EPB41L3: variants seen among roughly 807,000 people sequenced by gnomAD.
EPB41L3 encodes erythrocyte membrane protein band 4.1 like 3, also known as band 4.1-like protein 3.
In EPB41L3, 57 loss-of-function variants were observed where a neutral mutation model predicts 127.1. That is an observed-to-expected ratio of 0.45 (90% confidence interval 0.36 to 0.56). The LOEUF (loss-of-function observed/expected upper bound fraction) is 0.56. Ranked by LOEUF, EPB41L3 falls within the 20% of genes least tolerant of loss-of-function variation. The pLI is 0.00. For missense variants in EPB41L3, 1,273 were observed against 1,372.2 expected (o/e 0.93, Z 1.14); for synonymous variants, 572 against 549.5 (o/e 1.04, Z -0.57).
In EPB41L3 at chr18:5,433,018, G is replaced by T. The variant is rs193002842; in HGVS notation, c.912+451C>A. The stretch of plus-strand genomic sequence containing the variant: ...GAGTCTTGGACAATCGGCTGAGTTC[G>T]GACAGACAGATAGGAAAGAGGAGGA... On this transcript the variant is annotated intron_variant, in intron 8 of 22. Coordinates refer to ENST00000341928, the MANE Select transcript of EPB41L3 (RefSeq NM_012307.5). 6.6e-5 allele frequency among the ~76,000 whole-genome samples: 10 copies of T among 152,268 alleles called. No individual in the cohort carries two copies. In the East Asian group the frequency reaches 1.9e-3, roughly 29 times the overall value.
rs2072681209 is a variant in EPB41L3 at position 5,393,198 on chromosome 18, A to G, written c.*287T>C. ...TATTGTTGGTTATGAACGTGCAGGT[A>G]TAGCTGAAAACTGAGACATTTTGTG... On this transcript the variant is annotated 3_prime_UTR_variant, in exon 23 of 23. Transcript: ENST00000341928. The G allele has an allele frequency of 2.6e-6, 1 of 384,686 alleles. No individual in the cohort carries two copies. Among genetic ancestry groups the G allele is most frequent in the Non-Finnish European group, 4.6e-6 (1 of 216,308 alleles). 23.8% of individuals were successfully genotyped at this position (384,686 alleles called of 1,614,324 possible).
In EPB41L3 at chr18:5,543,594, C is replaced by T. The variant is rs1353359613; in HGVS notation, c.-12+319G>A. ...CGAGTCGCCCCTTCGGCCAGGGATC[C>T]CAGGGAGGCCCCCAGGCCGGAGGCC... On this transcript the variant is annotated intron_variant, in intron 1 of 22. Coordinates refer to ENST00000341928, the MANE Select transcript of EPB41L3 (RefSeq NM_012307.5). This position sits in a 1 kb window ranked among gnomAD's most constrained non-coding sequence, Gnocchi z 5.2. Among the ~76,000 whole-genome samples, 1 of 147,284 alleles carries T rather than the reference C, an allele frequency of 6.8e-6. No individual in the cohort carries two copies. Among genetic ancestry groups the T allele is most frequent in the African/African-American group, 2.4e-5 (1 of 40,990 alleles).
intron 3 of EPB41L3, among the ~76,000 whole-genome samples, chr18:5,581,960 G>A (rs1348809347): frequency 5.9e-5 from 9 of 152,176 alleles, no homozygotes; most frequent in Admixed American, 4.6e-4. Flanking sequence ...CTGTACCGCT[G>A]CTCTCCAGCC....
chr18:5,410,442 C>T (rs188324105), intron 14 of EPB41L3, 124 bp downstream of exon 14: 74 of 675,266 alleles, frequency 1.1e-4, no homozygotes, highest in Admixed American at 2.6e-4. Flanking sequence ...TATTTAACTC[C>T]AACTGTTAAA....
intron 1 of EPB41L3, among the ~76,000 whole-genome samples, chr18:5,492,793 G>T (rs557276529): frequency 8.2e-4 from 125 of 152,142 alleles, no homozygotes; most frequent in Admixed American, 9.8e-4. Context: ...TAAAAGTTGG[G>T]GTAAGGACAT....
At chr18:5,450,260 G>A (rs2082112654) in intron 3 of EPB41L3, among the ~76,000 whole-genome samples, 1 of 152,132 alleles carries the variant, frequency 6.6e-6, no homozygotes, top group African/African-American at 2.4e-5. Flanking sequence ...ATCATGAAAT[G>A]GTGAACGCAT....
At chr18:5,527,698 T>G (rs530422453) in intron 1 of EPB41L3, among the ~76,000 whole-genome samples, 1 of 152,308 alleles carries the variant, frequency 6.6e-6, no homozygotes, top group East Asian at 1.9e-4. Flanking sequence ...TGTGCAAGGC[T>G]ACACTAAGCG....
At chr18:5,429,014 C>G (rs1269040064) in intron 8 of EPB41L3, among the ~76,000 whole-genome samples, 1 of 151,850 alleles carries the variant, frequency 6.6e-6, no homozygotes, top group South Asian at 2.1e-4. Context: ...AAAAGAGCCC[C>G]GATATTTTTT....
At position 5,397,205 on chromosome 18, in the gene EPB41L3, C is replaced by A. The variant is rs79015463; in HGVS notation, c.2694G>T (p.Thr898=). Residue 898 remains threonine, a synonymous_variant, in exon 18 of 23, where the codon ACG becomes ACT. Coordinates refer to ENST00000341928, the MANE Select transcript of EPB41L3 (RefSeq NM_012307.5). The surrounding 1 kb of genome is among the most constrained non-coding windows in gnomAD (Gnocchi z 4.1). The part of the protein sequence containing the change: ...GIKGKEGSAL[T]EGAKEEGGEE... ...CCCCTCCTTCCTCTTTAGCCCCCTCCGTCAAGGCAGAGCCCTCTTTCCCTT... is the reference window on the plus strand; with the variant it reads ...CCCCTCCTTCCTCTTTAGCCCCCTCAGTCAAGGCAGAGCCCTCTTTCCCTT... 6.2e-6 allele frequency: 10 copies of A among 1,614,034 alleles called. No homozygotes were observed. In the East Asian group the frequency reaches 2.0e-4, roughly 32 times the overall value.
At chr18:5,495,799 G>A (rs891196654) in intron 1 of EPB41L3, among the ~76,000 whole-genome samples, 6 of 152,202 alleles carry the variant, frequency 3.9e-5, no homozygotes, top group African/African-American at 9.6e-5. Flanking sequence ...TTAACAGAAC[G>A]TGGCTTCCCT....
chr18:5,445,308 A>C, intron 3 of EPB41L3, 64 bp from the exon 4 acceptor site: 1 of 1,258,908 alleles, frequency 7.9e-7, no homozygotes, highest in East Asian at 2.3e-5. Flanking sequence ...CAAATATCAG[A>C]GATAAAACCA....
Position 5,543,764 on chromosome 18 carries a change from G to A in EPB41L3, c.-12+149C>T. On this transcript the variant is annotated intron_variant, in intron 1 of 22. Transcript: ENST00000341928. The surrounding 1 kb of genome is among the most constrained non-coding windows in gnomAD (Gnocchi z 5.2). ...GGACCCCGGCCGCGCCGGGCGCGGG[G>A]CTCGGGATTCGGGAGACCGCGCGGC... The A allele has an allele frequency of 1.6e-6, 1 of 615,042 alleles. No homozygotes were observed. Among genetic ancestry groups the A allele is most frequent in the Admixed American group, 6.4e-5 (1 of 15,604 alleles). 38.1% of individuals were successfully genotyped at this position (615,042 alleles called of 1,614,324 possible). A position where few individuals can be genotyped will look rare whatever the true frequency, so the allele number is the denominator to read the frequency against.
At chr18:5,482,982 C>T (rs1166610967) in intron 2 of EPB41L3, among the ~76,000 whole-genome samples, 1 of 152,194 alleles carries the variant, frequency 6.6e-6, no homozygotes, top group African/African-American at 2.4e-5. Flanking sequence ...TATTACTGTA[C>T]TTACTGTACT....
Position 5,489,177 on chromosome 18 carries a change from T to C in EPB41L3, c.7A>G (p.Thr3Ala). The change falls in exon 2 of 23, where the codon ACC becomes GCC. Residue 3 changes from threonine (T) to alanine (A), a missense_variant. Physicochemically the swap from Thr to Ala is moderately conservative, Grantham distance 58 (BLOSUM62 0). Coordinates refer to ENST00000341928, the MANE Select transcript of EPB41L3 (RefSeq NM_012307.5). ...GATTCCGAGTCTGATCCAGATTCGGTCGTCATGGTTGATTGTTCTGCAAGC... is the reference window on the plus strand; with the variant it reads ...GATTCCGAGTCTGATCCAGATTCGGCCGTCATGGTTGATTGTTCTGCAAGC... MT[T>A]ESGSDSESKP... 6.3e-7 allele frequency: 1 copy of C among 1,593,936 alleles called. No homozygotes were observed. The highest frequency in any genetic ancestry group is 8.5e-7 in the Non-Finnish European group (1 of 1,174,198).
Position 5,423,515 on chromosome 18 carries a change from G to A in EPB41L3, c.1202C>T (p.Thr401Ile), listed in dbSNP as rs756480325. Residue 401 changes from threonine to isoleucine, a missense_variant, in exon 11 of 23, where the codon ACC becomes ATC. Around this residue, in one of 3 missense-constraint regions of EPB41L3, gnomAD observed 326 missense variants for 440.2 expected, o/e 0.74. Coordinates refer to ENST00000341928, the MANE Select transcript of EPB41L3 (RefSeq NM_012307.5). Reference sequence around the variant, plus strand: ...ACTATAACGAAACTTGGAACCCAAGGTTAGGAATTTCTTGGGAGGTGCTTC... The same window carrying A: ...ACTATAACGAAACTTGGAACCCAAGATTAGGAATTTCTTGGGAGGTGCTTC... ...LPEAPPKKFL[T>I]LGSKFRYSGR... 3.7e-6 allele frequency: 6 copies of A among 1,613,326 alleles called. No homozygotes were observed. The highest frequency in any genetic ancestry group is 4.2e-6 in the Non-Finnish European group (5 of 1,179,494).
intron 3 of EPB41L3, among the ~76,000 whole-genome samples, chr18:5,551,490 C>T (rs1342470859): frequency 4.6e-5 from 7 of 151,962 alleles, no homozygotes; most frequent in Admixed American, 1.3e-4. Flanking sequence ...TTTGGGAGGC[C>T]GAGGCGGGTG....
At chr18:5,434,749 A>G (rs1344706948) in intron 6 of EPB41L3, among the ~76,000 whole-genome samples, 1 of 152,246 alleles carries the variant, frequency 6.6e-6, no homozygotes, top group African/African-American at 2.4e-5. Context: ...AATACTTGAT[A>G]ACAAGTGACT....
chr18:5,416,217 C>T lies in EPB41L3; in HGVS notation c.1668G>A (p.Leu556=), dbSNP rs969174603. The change falls in exon 13 of 23, where the codon TTG becomes TTA. Residue 556 remains leucine, a synonymous_variant. Coordinates refer to ENST00000341928, the MANE Select transcript of EPB41L3 (RefSeq NM_012307.5). ...RAEHLPGEPA[L]DSDGPGRPYL... ...AAGGCCTCCCTGGGCCATCAGAGTC[C>T]AAGGCGGGCTCTCCAGGCAGGTGCT... The T allele has an allele frequency of 7.4e-6, 12 of 1,614,110 alleles. No individual in the cohort carries two copies. Among genetic ancestry groups the T allele is most frequent in the Non-Finnish European group, 1.0e-5 (12 of 1,180,012 alleles).
At chr18:5,554,352 G>C (rs767925289) in intron 3 of EPB41L3, among the ~76,000 whole-genome samples, 17 of 152,194 alleles carry the variant, frequency 1.1e-4, no homozygotes, top group African/African-American at 4.1e-4. Context: ...AAAGCTCAGA[G>C]ATTATAAAAT....
Sources: gnomAD v4.1 joint callset for allele counts (sites outside exome capture counted in the v4.1 genomes callset) on GRCh38, gnomAD v4.1.1 for gene constraint, gnomAD v4.1.1 regional missense constraint, Gnocchi (gnomAD v3.1) non-coding constraint, MANE v1.5 for transcripts, NCBI Gene and HGNC (gene_info 2026-07-23, HGNC 2026-07-21) for gene names.